The following MAST4 variants were observed in gnomAD, a reference collection of about 807,000 sequenced individuals.
MAST4 encodes the protein microtubule associated serine/threonine kinase family member 4, also known as microtubule-associated serine/threonine-protein kinase 4.
In MAST4, 89 loss-of-function variants were observed where a neutral mutation model predicts 162.7. The observed-to-expected ratio is 0.55, with a 90% CI of 0.46 to 0.65. The LOEUF (loss-of-function observed/expected upper bound fraction) is 0.65. MAST4 is among the 30% of genes least tolerant of loss of function. MAST4 has a pLI of 0.00. For synonymous variants in MAST4, 1,479 were observed against 1,361.1 expected, an observed-to-expected ratio of 1.09 and a Z score of -1.91; for missense variants, 3,153 against 3,374.0, an observed-to-expected ratio of 0.93 and a Z score of 1.62.
At chr5:67,127,957 T>G (rs1158632572) in intron 14 of MAST4, among the ~76,000 whole-genome samples, 1 of 152,200 alleles carries the variant, frequency 6.6e-6, no homozygotes, top group Non-Finnish European at 1.5e-5. Context: ...TAAACCAGAC[T>G]TACAATATAT....
At chr5:67,092,705 A>G (rs1186855488) in intron 6 of MAST4, among the ~76,000 whole-genome samples, 6 of 152,170 alleles carry the variant, frequency 3.9e-5, no homozygotes, top group Non-Finnish European at 7.4e-5. Flanking sequence ...TTCCCTAGTT[A>G]TTATGCACTA....
chr5:66,688,254 T>G (rs1166954031), intron 1 of MAST4, among the ~76,000 whole-genome samples: 3 of 152,214 alleles, frequency 2.0e-5, no homozygotes, highest in Non-Finnish European at 4.4e-5. Flanking sequence ...TGGTGTCAAC[T>G]GGGCACATCA....
chr5:67,032,170 C>T (rs1755418439), intron 4 of MAST4, among the ~76,000 whole-genome samples: 1 of 152,156 alleles, frequency 6.6e-6, no homozygotes. Context: ...GATTAAGCCT[C>T]TGGAGGCCAA....
chr5:66,846,545 A>G (rs12109247), intron 3 of MAST4, among the ~76,000 whole-genome samples: 36,194 of 152,122 alleles, frequency 0.24, 5,654 homozygotes, highest in Non-Finnish European at 0.35. Flanking sequence ...GTTGCTATAG[A>G]TTAATGACTT....
At chr5:66,897,110 G>C (rs941133653) in intron 3 of MAST4, among the ~76,000 whole-genome samples, 1 of 151,930 alleles carries the variant, frequency 6.6e-6, no homozygotes, top group Non-Finnish European at 1.5e-5. Context: ...CTTTAATCCA[G>C]TGTCAACAAT....
At chr5:67,115,350 G>T (rs1766771394) in intron 12 of MAST4, among the ~76,000 whole-genome samples, 1 of 152,204 alleles carries the variant, frequency 6.6e-6, no homozygotes, top group Non-Finnish European at 1.5e-5. Context: ...TTGTAATGGT[G>T]GTAAATGTTG....
intron 4 of MAST4, among the ~76,000 whole-genome samples, chr5:67,052,090 A>T (rs2150548305): frequency 6.6e-6 from 1 of 152,332 alleles, no homozygotes; most frequent in South Asian, 2.1e-4. Context: ...GTAACATACT[A>T]CCCATACCTT....
intron 3 of MAST4, among the ~76,000 whole-genome samples, chr5:66,833,947 C>T (rs888402923): frequency 3.3e-5 from 5 of 152,106 alleles, no homozygotes; most frequent in Admixed American, 6.6e-5. Context: ...CCCATGTCCA[C>T]GTCTGTAAAA....
intron 5 of MAST4, among the ~76,000 whole-genome samples, chr5:67,075,244 C>T (rs1359742823): frequency 7.4e-5 from 11 of 149,490 alleles, no homozygotes; most frequent in African/African-American, 2.5e-4. Flanking sequence ...GATCGTGGCT[C>T]CCTGCAGCTT....
chr5:67,038,071 G>C (rs989181463), intron 4 of MAST4, among the ~76,000 whole-genome samples: 5 of 151,948 alleles, frequency 3.3e-5, no homozygotes, highest in Non-Finnish European at 7.4e-5. Context: ...AAAGAAATTT[G>C]CTTCTTTGTT....
intron 6 of MAST4, chr5:67,093,722 G>C: frequency 2.4e-6 from 1 of 417,924 alleles, no homozygotes; most frequent in South Asian, 1.7e-5. Flanking sequence ...ATTGATAACT[G>C]AGGGGAAGGA....
chr5:67,040,733 G>A (rs1159380035), intron 4 of MAST4, among the ~76,000 whole-genome samples: 1 of 152,228 alleles, frequency 6.6e-6, no homozygotes, highest in Admixed American at 6.5e-5. Context: ...AAGCTCATGT[G>A]ATTTCTATGT....
chr5:66,896,796 AAGG>A (rs758391393), intron 3 of MAST4, among the ~76,000 whole-genome samples: 3 of 152,202 alleles, frequency 2.0e-5, no homozygotes, highest in Non-Finnish European at 4.4e-5. Context: ...GGCTGGGTGA[AAGG>A]AGCAGGATCA....
At chr5:67,131,713 A>G (rs1424742742) in intron 15 of MAST4, 100 bp from the exon 16 acceptor site, 31 of 1,185,748 alleles carry the variant, frequency 2.6e-5, no homozygotes, top group Non-Finnish European at 3.6e-5. Context: ...TGCTGTGTCT[A>G]TGGGTAGAGA....
chr5:67,096,316 G>C (rs115508715), intron 7 of MAST4, among the ~76,000 whole-genome samples: 43 of 152,300 alleles, frequency 2.8e-4, no homozygotes, highest in African/African-American at 1.0e-3. Context: ...CAGTAGGTTA[G>C]ATGTATGTTT....
chr5:67,117,861 C>T (rs1767106920), intron 12 of MAST4, among the ~76,000 whole-genome samples: 2 of 152,216 alleles, frequency 1.3e-5, no homozygotes, highest in African/African-American at 2.4e-5. Context: ...AATTTAGACA[C>T]CTTTGTCTCT....
chr5:66,844,556 C>G (rs1276957483), intron 3 of MAST4, among the ~76,000 whole-genome samples: 1 of 152,056 alleles, frequency 6.6e-6, no homozygotes, highest in Non-Finnish European at 1.5e-5. Flanking sequence ...ATTTGTTGTG[C>G]ATTTTTGCTT....
At chr5:66,956,292 AG>A (rs1484378707) in intron 4 of MAST4, among the ~76,000 whole-genome samples, 1 of 152,146 alleles carries the variant, frequency 6.6e-6, no homozygotes, top group African/African-American at 2.4e-5. Flanking sequence ...TTCGATGTAG[AG>A]GCTTAGTTGT....
At chr5:66,621,039 C>T (rs933735934) in intron 1 of MAST4, among the ~76,000 whole-genome samples, 3 of 151,850 alleles carry the variant, frequency 2.0e-5, no homozygotes, top group African/African-American at 7.3e-5. Flanking sequence ...TCTCTGAGCA[C>T]CAGCAGCAGT....
Sources: allele counts gnomAD v4.1 joint callset (sites outside exome capture counted in the v4.1 genomes callset), GRCh38; gene constraint gnomAD v4.1.1; transcripts MANE v1.5; gene names NCBI Gene and HGNC (gene_info 2026-07-23, HGNC 2026-07-21).